The following EYS variants were observed in gnomAD, a reference collection of about 807,000 sequenced individuals.
EYS encodes protein eyes shut homolog.
Under a neutral mutation model 282.1 loss-of-function variants are expected in EYS, and 250 were observed. The observed-to-expected ratio is 0.89, with a 90% CI of 0.80 to 0.98. The LOEUF (loss-of-function observed/expected upper bound fraction) is 0.98, where lower values mean the gene tolerates loss of function less well. EYS is among the 50% of genes least tolerant of loss of function. EYS has a pLI of 0.00. For missense variants in EYS, 4,016 were observed against 3,709.0 expected (o/e 1.08, Z -2.15); for synonymous variants, 1,355 against 1,282.9 (o/e 1.06, Z -1.20).
chr6:64,108,566 A>G (rs2150264578), intron 31 of EYS, among the ~76,000 whole-genome samples: 1 of 150,876 alleles, frequency 6.6e-6, no homozygotes, highest in South Asian at 2.1e-4. Flanking sequence ...GTAAAAGGAA[A>G]GCAATTTTCT....
Position 65,429,200 on chromosome 6 carries a change from C to T in EYS, c.863-23833G>A, listed in dbSNP as rs151173147. On this transcript the variant is annotated intron_variant, in intron 5 of 42. Coordinates refer to ENST00000503581, the MANE Select transcript of EYS (RefSeq NM_001142800.2). The stretch of plus-strand genomic sequence containing the variant: ...CTCAAAAAAAAAAAAAATGTTCTGG[C>T]ACAACACTTGTAGCAACAGTTAACT... 8.9e-3 allele frequency among the ~76,000 whole-genome samples: 1,348 copies of T among 151,812 alleles called. 10 individuals are homozygous for T. Among genetic ancestry groups the T allele is most frequent in the Non-Finnish European group, 0.014 (984 of 67,904 alleles).
intron 12 of EYS, among the ~76,000 whole-genome samples, chr6:65,278,367 AT>A (rs1424663898): frequency 4.6e-5 from 6 of 129,802 alleles, no homozygotes; most frequent in East Asian, 5.6e-4. Context: ...TAGAATATAT[AT>A]TATATATATT....
chr6:65,554,913 C>A (rs1161282600), intron 2 of EYS, among the ~76,000 whole-genome samples: 1 of 151,918 alleles, frequency 6.6e-6, no homozygotes. Flanking sequence ...TATTTCACTA[C>A]AAAACTCTTA....
intron 2 of EYS, among the ~76,000 whole-genome samples, chr6:65,547,297 G>C (rs1197232803): frequency 1.3e-5 from 2 of 151,268 alleles, no homozygotes; most frequent in African/African-American, 4.9e-5. Flanking sequence ...TGCATGATAT[G>C]AATCTACTAA....
chr6:64,027,705 C>A (rs1245560582), intron 33 of EYS, among the ~76,000 whole-genome samples: 1 of 152,158 alleles, frequency 6.6e-6, no homozygotes, highest in Non-Finnish European at 1.5e-5. Context: ...ACAAGCTGCC[C>A]CCCATCTATG....
intron 22 of EYS, among the ~76,000 whole-genome samples, chr6:64,697,797 C>A (rs757463984): frequency 6.6e-6 from 1 of 152,000 alleles, no homozygotes. Flanking sequence ...TAAAAATTAG[C>A]TAGGCATGGT....
chr6:64,802,033 C>CTTTTTTTTTT (rs70999173), intron 22 of EYS, among the ~76,000 whole-genome samples: 93 of 112,534 alleles, frequency 8.3e-4, no homozygotes, highest in Non-Finnish European at 8.8e-4. Context: ...CTTTTTTTTT[C>CTTTTTTTTTT]TTTTTTTTTT....
intron 22 of EYS, among the ~76,000 whole-genome samples, chr6:64,646,157 G>A (rs1768341958): frequency 6.6e-6 from 1 of 152,174 alleles, no homozygotes; most frequent in Non-Finnish European, 1.5e-5. Flanking sequence ...GGGGCTACAA[G>A]GCATTTTCCA....
In EYS at chr6:64,496,747, C is replaced by T. The variant is rs1173021111; in HGVS notation, c.5645-57395G>A. On this transcript the variant is annotated intron_variant, in intron 26 of 42. Transcript: ENST00000503581. ...TATAATTATAAGCTTTCATGTCAAA[C>T]ACATTCTTTAAACTTTGCGGATGCT... is the stretch of plus-strand genomic sequence containing the variant. 3.3e-5 allele frequency among the ~76,000 whole-genome samples: 5 copies of T among 151,998 alleles called. No individual in the cohort carries two copies. The East Asian group carries it at 9.7e-4, about 29-fold the overall frequency.
chr6:63,839,189 A>G (rs1771885247), intron 36 of EYS, among the ~76,000 whole-genome samples: 2 of 152,168 alleles, frequency 1.3e-5, no homozygotes, highest in African/African-American at 2.4e-5. Flanking sequence ...TTTTGTATCC[A>G]TTAACTAACC....
chr6:63,797,819 A>G (rs1053715830), intron 37 of EYS: 1 of 152,200 alleles, frequency 6.6e-6, no homozygotes, highest in Non-Finnish European at 1.5e-5. Context: ...GCTAGTGAAC[A>G]GACAGTGTGG....
intron 22 of EYS, among the ~76,000 whole-genome samples, chr6:64,690,023 C>T (rs1359468870): frequency 6.6e-6 from 1 of 151,792 alleles, no homozygotes; most frequent in African/African-American, 2.4e-5. Flanking sequence ...AAGAAACTAC[C>T]ATCAGAGTGA....
chr6:64,023,076 A>G (rs956826421), intron 33 of EYS, among the ~76,000 whole-genome samples: 4 of 152,232 alleles, frequency 2.6e-5, no homozygotes, highest in Non-Finnish European at 5.9e-5. Context: ...CCCATTCCAT[A>G]TAGTATATTT....
intron 26 of EYS, among the ~76,000 whole-genome samples, chr6:64,572,063 C>T (rs1396217944): frequency 2.6e-5 from 4 of 152,148 alleles, no homozygotes; most frequent in Non-Finnish European, 5.9e-5. Context: ...TCCAGCAGCA[C>T]ATCAAAAAGC....
chr6:64,471,357 C>T (rs1317264205), intron 26 of EYS, among the ~76,000 whole-genome samples: 1 of 151,892 alleles, frequency 6.6e-6, no homozygotes, highest in Non-Finnish European at 1.5e-5. Context: ...AAGACTAGGC[C>T]AAAAGACACT....
At chr6:63,960,290 GA>G (rs1766002143) in intron 35 of EYS, among the ~76,000 whole-genome samples, 1 of 152,204 alleles carries the variant, frequency 6.6e-6, no homozygotes, top group Non-Finnish European at 1.5e-5. Flanking sequence ...GAAAAAGCAA[GA>G]GAACTAGAAT....
intron 12 of EYS, among the ~76,000 whole-genome samples, chr6:65,261,014 C>T (rs148042262): frequency 2.5e-3 from 379 of 152,120 alleles, no homozygotes; most frequent in African/African-American, 8.4e-3. Flanking sequence ...TTACTAAGTA[C>T]TATCATCATT....
intron 5 of EYS, among the ~76,000 whole-genome samples, chr6:65,440,168 G>T (rs1325282147): frequency 6.6e-6 from 1 of 152,040 alleles, no homozygotes; most frequent in African/African-American, 2.4e-5. Flanking sequence ...TGAAGTTAAA[G>T]TTGCAGTGGC....
At chr6:64,711,191 G>GA (rs1377373522) in intron 22 of EYS, among the ~76,000 whole-genome samples, 2 of 152,068 alleles carry the variant, frequency 1.3e-5, no homozygotes, top group Non-Finnish European at 2.9e-5. Flanking sequence ...TGATTTACAA[G>GA]AAAATAAAGG....
Sources: allele counts gnomAD v4.1 joint callset (sites outside exome capture counted in the v4.1 genomes callset), GRCh38; gene constraint gnomAD v4.1.1; transcripts MANE v1.5; gene names NCBI Gene and HGNC (gene_info 2026-07-23, HGNC 2026-07-21).